The following LYPD6 variants were observed in gnomAD, a reference collection of about 807,000 sequenced individuals.
LYPD6 encodes the protein LY6/PLAUR domain containing 6.
LYPD6 carries 15 observed loss-of-function variants against 22.7 expected under a neutral mutation model. The ratio of observed to expected loss-of-function variants is 0.66; its 90% CI spans 0.44 to 1.02. The LOEUF (loss-of-function observed/expected upper bound fraction) is 1.02, where lower values mean the gene tolerates loss of function less well. Among genes scored for constraint, LYPD6 ranks in the 50% least tolerant of loss-of-function variants. The probability of loss-of-function intolerance (pLI) is 0.00; values close to 1 mark genes in which losing one functional copy is unlikely to be tolerated. For synonymous variants in LYPD6, 72 were observed against 77.5 expected (o/e 0.93, Z 0.37); for missense variants, 189 against 208.4 (o/e 0.91, Z 0.57).
At chr2:149,380,950 T>C (rs1682046175) in intron 1 of LYPD6, among the ~76,000 whole-genome samples, 1 of 152,116 alleles carries the variant, frequency 6.6e-6, no homozygotes, top group Non-Finnish European at 1.5e-5. Flanking sequence ...AGAAGCCAAC[T>C]GAAGAAGAGG....
At chr2:149,433,781 C>T (rs926164706) in intron 1 of LYPD6, among the ~76,000 whole-genome samples, 20 of 152,272 alleles carry the variant, frequency 1.3e-4, no homozygotes, top group African/African-American at 4.8e-4. Flanking sequence ...TTCCCAGCAG[C>T]CCTATGGCAT....
At chr2:149,467,414 G>A (rs1681224344) in intron 3 of LYPD6, among the ~76,000 whole-genome samples, 1 of 152,120 alleles carries the variant, frequency 6.6e-6, no homozygotes, top group African/African-American at 2.4e-5. Context: ...GTCAGGTGAG[G>A]GTCTCTAGGA....
At chr2:149,421,389 CAAAAA>C (rs771199025) in intron 1 of LYPD6, among the ~76,000 whole-genome samples, 6 of 67,398 alleles carry the variant, frequency 8.9e-5, no homozygotes, top group South Asian at 5.2e-4. Flanking sequence ...GACTCCATCT[CAAAAA>C]AAAAAAAAAA....
chr2:149,483,390 CTG>C, the LYPD6 span, among the ~76,000 whole-genome samples: 1 of 152,200 alleles, frequency 6.6e-6, no homozygotes, highest in African/African-American at 2.4e-5. Flanking sequence ...GTATCTGGGA[CTG>C]TGCTAAGAAG....
chr2:149,474,463 C>T (rs1049779514), downstream of LYPD6, among the ~76,000 whole-genome samples: 6 of 152,194 alleles, frequency 3.9e-5, no homozygotes, highest in Admixed American at 2.6e-4. Flanking sequence ...CTACCTCAGC[C>T]TCCCAAAGTT....
the LYPD6 span, among the ~76,000 whole-genome samples, chr2:149,479,559 C>T: frequency 1.3e-5 from 2 of 152,200 alleles, no homozygotes; most frequent in Non-Finnish European, 2.9e-5. Context: ...TCTCAGTGAA[C>T]AGCATTGACA....
intron 1 of LYPD6, among the ~76,000 whole-genome samples, chr2:149,422,834 A>G (rs1214788050): frequency 6.6e-6 from 1 of 152,134 alleles, no homozygotes. Flanking sequence ...GGTCCTACAT[A>G]TAGTGAGATC....
chr2:149,439,284 C>T (rs1039550437), intron 2 of LYPD6, among the ~76,000 whole-genome samples: 3 of 152,110 alleles, frequency 2.0e-5, no homozygotes, highest in Admixed American at 1.3e-4. Context: ...ACTGGTTAAT[C>T]GTATGGAAGA....
chr2:149,479,343 GTTATT>G, the LYPD6 span, among the ~76,000 whole-genome samples: 1 of 152,108 alleles, frequency 6.6e-6, no homozygotes, highest in Non-Finnish European at 1.5e-5. Context: ...TTCCATGCCT[GTTATT>G]TAAGTTTCCA....
chr2:149,351,020 A>G (rs1043357816), intron 1 of LYPD6, among the ~76,000 whole-genome samples: 15 of 152,232 alleles, frequency 9.9e-5, no homozygotes, highest in Admixed American at 8.5e-4. Context: ...GGGAGAAGGA[A>G]TAAGGAAAAG....
At chr2:149,435,906 C>G (rs1207892802) in intron 1 of LYPD6, among the ~76,000 whole-genome samples, 2 of 152,128 alleles carry the variant, frequency 1.3e-5, no homozygotes, top group South Asian at 2.1e-4. Context: ...ATAATCACAT[C>G]TGGAAGTAAT....
At chr2:149,475,645 T>C (rs1681438088), downstream of LYPD6, among the ~76,000 whole-genome samples, 1 of 152,186 alleles carries the variant, frequency 6.6e-6, no homozygotes, top group Admixed American at 6.5e-5. Context: ...TGGAATTGGA[T>C]TGGGGGACCT....
chr2:149,419,827 AGGGTGT>A (rs1207617815), intron 1 of LYPD6, among the ~76,000 whole-genome samples: 2 of 136,052 alleles, frequency 1.5e-5, no homozygotes, highest in African/African-American at 6.6e-5. Flanking sequence ...ATATGTGCTC[AGGGTGT>A]GTGTGTGTGT....
At chr2:149,457,188 G>A (rs531681156) in intron 3 of LYPD6, among the ~76,000 whole-genome samples, 10 of 152,260 alleles carry the variant, frequency 6.6e-5, no homozygotes, top group Admixed American at 5.9e-4. Flanking sequence ...AGTCATGATA[G>A]TATATGAAAA....
Position 149,470,833 on chromosome 2 carries a change from T to A in LYPD6, c.499T>A (p.Leu167Ile). ...GATAGTGTCCTGCTTGTGGTTGTGG[T>A]TAGGGCTCATGTTATAGTGGCTCAG... ...SVIVSCLWLW[L>I]GLML is the part of the protein sequence containing the mutation. The change falls in exon 5 of 5, where the codon TTA (leucine) becomes ATA (isoleucine). Residue 167 changes from leucine (L) to isoleucine (I), a missense_variant. By Grantham distance (5) the Leu-to-Ile change is conservative. Coordinates refer to ENST00000334166, the MANE Select transcript of LYPD6 (RefSeq NM_194317.5). 1 of 1,613,054 alleles carries A rather than the reference T, an allele frequency of 6.2e-7. No homozygotes were observed. The highest frequency in any genetic ancestry group is 8.5e-7 in the Non-Finnish European group (1 of 1,179,392).
At chr2:149,364,884 T>TAG (rs1681631833) in intron 1 of LYPD6, among the ~76,000 whole-genome samples, 1 of 152,162 alleles carries the variant, frequency 6.6e-6, no homozygotes, top group Admixed American at 6.5e-5. Context: ...ACTCACAATC[T>TAG]TCTAGGTTCA....
chr2:149,466,138 C>G (rs1681195577), intron 3 of LYPD6, among the ~76,000 whole-genome samples: 2 of 152,238 alleles, frequency 1.3e-5, no homozygotes, highest in South Asian at 4.2e-4. Context: ...TGTGGCCCAC[C>G]TAGTTCTACT....
chr2:149,346,027 T>C (rs1229450824), intron 1 of LYPD6, among the ~76,000 whole-genome samples: 1 of 152,164 alleles, frequency 6.6e-6, no homozygotes, highest in Non-Finnish European at 1.5e-5. Flanking sequence ...TGGCAGAGAA[T>C]AGATGTCAAG....
intron 2 of LYPD6, among the ~76,000 whole-genome samples, chr2:149,447,450 A>G (rs1393493879): frequency 6.6e-6 from 1 of 152,230 alleles, no homozygotes; most frequent in Non-Finnish European, 1.5e-5. Context: ...TAGAACTGGT[A>G]GCCTCTGGTG....
Sources: allele counts gnomAD v4.1 joint callset (sites outside exome capture counted in the v4.1 genomes callset), GRCh38; gene constraint gnomAD v4.1.1; transcripts MANE v1.5; gene names NCBI Gene and HGNC (gene_info 2026-07-23, HGNC 2026-07-21).